KIAA0232: variants seen among roughly 807,000 people sequenced by gnomAD.
KIAA0232 encodes the protein KIAA0232.
A neutral mutation model predicts 122.0 loss-of-function variants in KIAA0232; 27 were observed. That is an observed-to-expected ratio of 0.22 (90% CI 0.16 to 0.31). The LOEUF is 0.31. KIAA0232 is among the 10% of genes least tolerant of loss of function. The pLI is 1.00. For synonymous variants in KIAA0232, 613 were observed against 587.6 expected (o/e 1.04, Z -0.63); for missense variants, 1,551 against 1,634.2 (o/e 0.95, Z 0.88).
intron 1 of KIAA0232, among the ~76,000 whole-genome samples, chr4:6,794,673 G>A (rs1717053775): frequency 1.3e-5 from 2 of 152,140 alleles, no homozygotes; most frequent in Non-Finnish European, 2.9e-5. Flanking sequence ...AGCATTTCGA[G>A]GGGTAGAGGA....
intron 2 of KIAA0232, among the ~76,000 whole-genome samples, chr4:6,817,220 G>C (rs1718173901): frequency 6.6e-6 from 1 of 152,070 alleles, no homozygotes; most frequent in Non-Finnish European, 1.5e-5. Flanking sequence ...TAAAAATATT[G>C]ATAGGTTGTG....
intron 1 of KIAA0232, among the ~76,000 whole-genome samples, chr4:6,787,334 A>C (rs987162790): frequency 6.6e-6 from 1 of 152,192 alleles, no homozygotes; most frequent in African/African-American, 2.4e-5. Context: ...GAATATTAGA[A>C]CTGGATTTGA....
At chr4:6,837,280 G>A (rs1039329706) in intron 3 of KIAA0232, among the ~76,000 whole-genome samples, 27 of 152,066 alleles carry the variant, frequency 1.8e-4, no homozygotes, top group African/African-American at 6.0e-4. Flanking sequence ...ACGGGTTGGC[G>A]GCGGGGCAGA....
Position 6,842,075 on chromosome 4 carries a change from C to T in KIAA0232, c.240C>T (p.Asp80=), listed in dbSNP as rs1719694954. The change falls in exon 4 of 10, where the codon GAC becomes GAT. Residue 80 remains aspartate (D), a synonymous_variant. Coordinates refer to ENST00000307659, the MANE Select transcript of KIAA0232 (RefSeq NM_014743.3). ...GTGCAATTTCATTGCAGGAGAATGA[C>T]ATCTTCCTGGGCTGGGAAAAAGGAG... The part of the protein sequence containing the change: ...YDYDLQEQEN[D]IFLGWEKGAY... 1 of 1,613,332 alleles carries T rather than the reference C, an allele frequency of 6.2e-7. No homozygotes were observed. The highest frequency in any genetic ancestry group is 8.5e-7 in the Non-Finnish European group (1 of 1,179,752).
chr4:6,829,144 G>T (rs554524946), intron 3 of KIAA0232, among the ~76,000 whole-genome samples: 1 of 152,066 alleles, frequency 6.6e-6, no homozygotes, highest in African/African-American at 2.4e-5. Flanking sequence ...CTTAATTTGG[G>T]TTTTTCGGAT....
chr4:6,858,152 C>T (rs1017446076), intron 5 of KIAA0232, among the ~76,000 whole-genome samples: 2 of 152,180 alleles, frequency 1.3e-5, no homozygotes, highest in African/African-American at 4.8e-5. Context: ...ACACAGGGGA[C>T]TTCAGTCTCT....
intron 3 of KIAA0232, among the ~76,000 whole-genome samples, chr4:6,825,727 T>C (rs992019273): frequency 6.6e-6 from 1 of 152,226 alleles, no homozygotes; most frequent in African/African-American, 2.4e-5. Flanking sequence ...AAATGGGCTC[T>C]GGGTGACTTC....
intron 6 of KIAA0232, 71 bp from the exon 7 acceptor site, chr4:6,860,830 T>G: frequency 8.0e-7 from 1 of 1,256,914 alleles, no homozygotes; most frequent in Non-Finnish European, 1.1e-6. Flanking sequence ...TTCTTCTGGT[T>G]GGTAATGTTG....
At chr4:6,786,870 A>G (rs1716643374) in intron 1 of KIAA0232, among the ~76,000 whole-genome samples, 1 of 152,180 alleles carries the variant, frequency 6.6e-6, no homozygotes, top group Non-Finnish European at 1.5e-5. Context: ...AGAGGGAACC[A>G]GAGCACAAGG....
At chr4:6,808,662 C>T (rs186206409) in intron 2 of KIAA0232, among the ~76,000 whole-genome samples, 1 of 151,870 alleles carries the variant, frequency 6.6e-6, no homozygotes, top group Non-Finnish European at 1.5e-5. Flanking sequence ...TACATGGGAT[C>T]GTGAGAGAAT....
At chr4:6,873,727 A>G (rs959990490) in intron 8 of KIAA0232, among the ~76,000 whole-genome samples, 1 of 152,114 alleles carries the variant, frequency 6.6e-6, no homozygotes, top group Non-Finnish European at 1.5e-5. Flanking sequence ...TTTTACAGTG[A>G]AGTGGTATAT....
At chr4:6,850,269 A>T (rs977248601) in intron 4 of KIAA0232, among the ~76,000 whole-genome samples, 2 of 152,194 alleles carry the variant, frequency 1.3e-5, no homozygotes, top group African/African-American at 4.8e-5. Flanking sequence ...TGAAGAAGCC[A>T]GGTGTTGGGG....
At chr4:6,837,096 G>A (rs1245937726) in intron 3 of KIAA0232, among the ~76,000 whole-genome samples, 2 of 151,594 alleles carry the variant, frequency 1.3e-5, no homozygotes, top group Non-Finnish European at 2.9e-5. Flanking sequence ...GGGCAGAGGG[G>A]CCCCCACCTC....
intron 7 of KIAA0232, among the ~76,000 whole-genome samples, chr4:6,867,842 G>C (rs1487413898): frequency 6.6e-6 from 1 of 152,216 alleles, no homozygotes; most frequent in Non-Finnish European, 1.5e-5. Context: ...AGGTGAGACA[G>C]CTGCCCCAGA....
chr4:6,843,318 C>G (rs1364690680), intron 4 of KIAA0232, among the ~76,000 whole-genome samples: 1 of 152,154 alleles, frequency 6.6e-6, no homozygotes, highest in Non-Finnish European at 1.5e-5. Context: ...CAGAAACTTC[C>G]TTCCTGGACT....
chr4:6,880,832 G>A lies in KIAA0232; in HGVS notation c.4054G>A (p.Gly1352Arg). The A allele has an allele frequency of 6.2e-7, 1 of 1,602,634 alleles. No homozygotes were observed. The highest frequency in any genetic ancestry group is 1.3e-5 in the African/African-American group (1 of 74,864). Residue 1352 changes from glycine to arginine, a missense_variant, in exon 10 of 10, where the codon GGA becomes AGA. By Grantham distance (125) the Gly-to-Arg change is moderately radical. Transcript: ENST00000307659. The stretch of plus-strand genomic sequence containing the variant: ...AAGATGTACAGGAGAGAGAGATTCT[G>A]GAGCAAAGTCAGATGGCTTCCGCGG... ...EARCTGERDS[G>R]AKSDGFRGKM...
intron 4 of KIAA0232, among the ~76,000 whole-genome samples, chr4:6,854,337 A>G (rs1042391136): frequency 1.1e-4 from 17 of 152,138 alleles, no homozygotes; most frequent in African/African-American, 3.9e-4. Flanking sequence ...TGCCCAGTGA[A>G]TGTAGCAGGG....
At chr4:6,846,100 T>TAA (rs34790054) in intron 4 of KIAA0232, among the ~76,000 whole-genome samples, 121,313 of 149,804 alleles carry the variant, frequency 0.81, 49,118 homozygotes, top group Middle Eastern at 0.87. Flanking sequence ...TCATTTTATT[T>TAA]AAAAAAAAAA....
rs142968363 is a variant in KIAA0232, at chr4:6,801,717, G to A, written c.-353-2806G>A. On this transcript the variant is annotated intron_variant, in intron 1 of 9. Coordinates refer to ENST00000307659, the MANE Select transcript of KIAA0232 (RefSeq NM_014743.3). ...GAAAGGTGCTATTAAGTGGCTTACA[G>A]TGCTTAGGACTTTAATTAGCATATC... Among the ~76,000 whole-genome samples the A allele has an allele frequency of 7.5e-4, 114 of 152,110 alleles. No homozygotes were observed. In the East Asian group the frequency reaches 0.02, roughly 26 times the overall value.
Sources: gnomAD v4.1 joint callset for allele counts (sites outside exome capture counted in the v4.1 genomes callset) on GRCh38, gnomAD v4.1.1 for gene constraint, MANE v1.5 for transcripts, NCBI Gene and HGNC (gene_info 2026-07-23, HGNC 2026-07-21) for gene names.